The following GRAMD4 variants were observed in gnomAD, a reference collection of about 807,000 sequenced individuals.
The protein encoded by GRAMD4 is GRAM domain-containing protein 4.
A neutral mutation model predicts 83.9 loss-of-function variants in GRAMD4; 25 were observed. That is an observed-to-expected ratio of 0.30 (90% CI 0.22 to 0.42). The LOEUF (loss-of-function observed/expected upper bound fraction) is 0.42. GRAMD4 is among the 10% of genes least tolerant of loss of function. GRAMD4 has a pLI of 1.00. For missense variants in GRAMD4, 593 were observed against 788.7 expected (o/e 0.75, Z 2.97); for synonymous variants, 336 against 320.9 (o/e 1.05, Z -0.50).
Position 46,672,952 on chromosome 22 carries a change from C to G in GRAMD4, c.1194C>G (p.Thr398=). The G allele has an allele frequency of 6.2e-7, 1 of 1,610,072 alleles. No homozygotes were observed. The highest frequency in any genetic ancestry group is 8.5e-7 in the Non-Finnish European group (1 of 1,179,640). The change falls in exon 14 of 19, where the codon ACC becomes ACG. Residue 398 remains threonine (T), a synonymous_variant. Coordinates refer to ENST00000406902, the MANE Select transcript of GRAMD4 (RefSeq NM_015124.5). This position sits in a 1 kb window ranked among gnomAD's most constrained non-coding sequence, Gnocchi z 4.7. The part of the protein sequence containing the change: ...TPYIIWRSLP[T]DPQLKERSSA... ...ATATCATCTGGAGGAGTCTCCCCAC[C>G]GACCCGCAGCTCAAGGAGCGCTCCA... is the stretch of plus-strand genomic sequence containing the variant.
intron 14 of GRAMD4, among the ~76,000 whole-genome samples, chr22:46,673,298 T>C (rs1281303005): frequency 6.6e-6 from 1 of 152,204 alleles, no homozygotes; most frequent in Non-Finnish European, 1.5e-5. Flanking sequence ...ACAGTGAGGC[T>C]CTGGCGCTGA....
Position 46,679,592 on chromosome 22 carries a change from C to A in GRAMD4, c.*2341C>A, listed in dbSNP as rs938003280. The A allele has an allele frequency of 6.5e-5, 64 of 983,440 alleles. No individual in the cohort carries two copies. The highest frequency in any genetic ancestry group is 7.2e-5 in the Non-Finnish European group (60 of 828,084). The allele number at this position is 983,440 out of a possible 1,614,324, so 60.9% of individuals were successfully genotyped here. On this transcript the variant is annotated 3_prime_UTR_variant, in exon 19 of 19. Transcript: ENST00000406902. ...AATGTTAAATTTTTTATGTCTGAAG[C>A]CTGAGTCTATTTTGGATCTGTAAAT...
chr22:46,662,949 G>A, intron 5 of GRAMD4, 91 bp from the exon 6 acceptor site: 1 of 1,278,168 alleles, frequency 7.8e-7, no homozygotes, highest in Non-Finnish European at 1.1e-6. Flanking sequence ...CCCTTGCAGT[G>A]AGGCCCCTCC....
Position 46,622,695 on chromosome 22 carries a change from C to T in GRAMD4, c.-50+2130C>T, listed in dbSNP as rs1025493631. ...TTGGGAGGCCGAGGCGGGTGGATCA[C>T]GAGGTCAGGAGATTGAGACCATCCT... On this transcript the variant is annotated intron_variant, in intron 1 of 18. Coordinates refer to ENST00000406902, the MANE Select transcript of GRAMD4 (RefSeq NM_015124.5). This position sits in a 1 kb window ranked among gnomAD's most constrained non-coding sequence, Gnocchi z 4.0. Among the ~76,000 whole-genome samples, 11 of 152,224 alleles carry T rather than the reference C, an allele frequency of 7.2e-5. No homozygotes were observed. The highest frequency in any genetic ancestry group is 1.9e-4 in the East Asian group (1 of 5,168).
Position 46,582,061 on chromosome 22 carries a change from C to T in GRAMD4, c.-50+4771C>T, listed in dbSNP as rs190976848. Among the ~76,000 whole-genome samples, 90 of 151,782 alleles carry T rather than the reference C, an allele frequency of 5.9e-4. 1 individual carries two copies. In the East Asian group the frequency reaches 0.017, roughly 29 times the overall value. On this transcript the variant is annotated intron_variant, in intron 1 of 1. Transcript: ENST00000431155. ...GTCTACTGAGGAGCAGTGCTGGGGCCTTGGCTGGGGCTGGGTGGGGCTGGG... is the reference window on the plus strand; with the variant it reads ...GTCTACTGAGGAGCAGTGCTGGGGCTTTGGCTGGGGCTGGGTGGGGCTGGG...
chr22:46,591,998 A>G (rs945400189), intron 1 of GRAMD4, among the ~76,000 whole-genome samples: 7 of 149,700 alleles, frequency 4.7e-5, no homozygotes, highest in Admixed American at 2.7e-4. Context: ...TGCAGGCTTG[A>G]CACAGCAAGG....
intron 1 of GRAMD4, among the ~76,000 whole-genome samples, chr22:46,606,506 T>A (rs113495207): frequency 6.0e-5 from 1 of 16,702 alleles, no homozygotes; most frequent in African/African-American, 1.0e-4. Context: ...GGCCTATGGC[T>A]GGTGCTGAGC....
upstream of GRAMD4, among the ~76,000 whole-genome samples, chr22:46,615,670 AGGTTCCCCTGTGCGTAGGTTCCCCTG>A (rs2081475533): frequency 4.4e-5 from 1 of 22,520 alleles, no homozygotes; most frequent in African/African-American, 1.2e-4. Context: ...CCCCGTGCGT[AGGTTCCCCTGTGCGTAGGTTCCCCTG>A]TGCGTAGGTT....
At chr22:46,608,072 A>C (rs2081382807) in intron 1 of GRAMD4, among the ~76,000 whole-genome samples, 1 of 152,166 alleles carries the variant, frequency 6.6e-6, no homozygotes, top group African/African-American at 2.4e-5. Context: ...GTGCTCATTA[A>C]ACACTTAGTG....
At chr22:46,604,444 C>T (rs2081345805) in intron 1 of GRAMD4, among the ~76,000 whole-genome samples, 1 of 152,164 alleles carries the variant, frequency 6.6e-6, no homozygotes, top group African/African-American at 2.4e-5. Flanking sequence ...GTGTCATTTA[C>T]TGGCGTTAAA....
chr22:46,599,992 A>C (rs2081297248), intron 1 of GRAMD4, among the ~76,000 whole-genome samples: 1 of 152,118 alleles, frequency 6.6e-6, no homozygotes, highest in Non-Finnish European at 1.5e-5. Flanking sequence ...CTGACTGTGA[A>C]TCTCATCTGA....
At chr22:46,588,030 C>A in intron 1 of GRAMD4, 4 of 821,276 alleles carry the variant, frequency 4.9e-6, no homozygotes, top group Non-Finnish European at 5.9e-6. Flanking sequence ...GTCTACTTGG[C>A]TCTAGATGTC....
intron 17 of GRAMD4, among the ~76,000 whole-genome samples, chr22:46,676,327 A>T (rs2082597764): frequency 6.6e-6 from 1 of 152,158 alleles, no homozygotes; most frequent in Non-Finnish European, 1.5e-5. Context: ...GCCTACCGTC[A>T]GCCTCCTCAG....
chr22:46,576,753 C>T (rs1397874184), upstream of GRAMD4, among the ~76,000 whole-genome samples: 1 of 148,144 alleles, frequency 6.8e-6, no homozygotes, highest in Non-Finnish European at 1.5e-5. Flanking sequence ...GGCGGGCGGT[C>T]CCGCGGGGCG....
At chr22:46,648,596 G>A (rs866737690) in intron 3 of GRAMD4, among the ~76,000 whole-genome samples, 7 of 152,014 alleles carry the variant, frequency 4.6e-5, no homozygotes, top group African/African-American at 1.7e-4. Flanking sequence ...TGGACATGTG[G>A]GTGGATAGAT....
intron 12 of GRAMD4, 32 bp from the exon 13 acceptor site, chr22:46,668,767 C>CTG: frequency 7.7e-7 from 1 of 1,292,336 alleles, no homozygotes; most frequent in Non-Finnish European, 1.1e-6. Flanking sequence ...CCTGCGGCGC[C>CTG]CGCCCGGCCT....
At chr22:46,589,107 C>T (rs956736895) in intron 1 of GRAMD4, among the ~76,000 whole-genome samples, 18 of 151,942 alleles carry the variant, frequency 1.2e-4, no homozygotes, top group South Asian at 2.1e-4. Flanking sequence ...CCTGGATGGG[C>T]GACACTCCCC....
chr22:46,609,901 T>C (rs1428760587), intron 1 of GRAMD4, among the ~76,000 whole-genome samples: 2 of 152,132 alleles, frequency 1.3e-5, no homozygotes, highest in Non-Finnish European at 2.9e-5. Flanking sequence ...TGCTGGTAGG[T>C]GTGGACGGGG....
chr22:46,614,808 G>GTAGGTTCCCCTGTGCTTTA (rs1024124157), intron 1 of GRAMD4, among the ~76,000 whole-genome samples: 1 of 109,914 alleles, frequency 9.1e-6, no homozygotes, highest in Non-Finnish European at 1.9e-5. Flanking sequence ...TCCCCCGTGT[G>GTAGGTTCCCCTGTGCTTTA]TAGGTTCCCC....
Sources: gnomAD v4.1 joint callset for allele counts (sites outside exome capture counted in the v4.1 genomes callset) on GRCh38, gnomAD v4.1.1 for gene constraint, Gnocchi (gnomAD v3.1) non-coding constraint, MANE v1.5 for transcripts, NCBI Gene and HGNC (gene_info 2026-07-23, HGNC 2026-07-21) for gene names.